Variants in ACSL5 observed in about 807,000 individuals in gnomAD.
ACSL5 encodes the protein long-chain-fatty-acid--CoA ligase 5.
In ACSL5, 50 loss-of-function variants were observed where a neutral mutation model predicts 84.9. The ratio of observed to expected loss-of-function variants is 0.59; its 90% CI spans 0.47 to 0.75. The LOEUF (loss-of-function observed/expected upper bound fraction) is 0.75. Ranked by LOEUF, ACSL5 falls within the 30% of genes least tolerant of loss-of-function variation. The pLI is 0.00. For missense variants in ACSL5, 775 were observed against 830.4 expected (o/e 0.93, Z 0.82); for synonymous variants, 280 against 300.7 (o/e 0.93, Z 0.71).
At chr10:112,388,182 T>C (rs376816342) in intron 1 of ACSL5, among the ~76,000 whole-genome samples, 3 of 152,230 alleles carry the variant, frequency 2.0e-5, no homozygotes, top group African/African-American at 7.2e-5. Flanking sequence ...TCAAGTGATC[T>C]GCCCTCCTTG....
chr10:112,383,490 G>T (rs532325742), intron 1 of ACSL5, among the ~76,000 whole-genome samples: 2 of 152,334 alleles, frequency 1.3e-5, no homozygotes, highest in Non-Finnish European at 1.5e-5. Flanking sequence ...CAGTTTCAGG[G>T]CCCCTCGGCC....
intron 3 of ACSL5, among the ~76,000 whole-genome samples, chr10:112,404,144 A>G (rs1219630048): frequency 2.0e-5 from 3 of 152,196 alleles, no homozygotes; most frequent in Non-Finnish European, 4.4e-5. Context: ...GGGAAGTTCA[A>G]TCCAAGATTG....
chr10:112,408,949 T>C (rs1292810680), intron 6 of ACSL5: 1 of 166,392 alleles, frequency 6.0e-6, no homozygotes, highest in African/African-American at 2.4e-5. Context: ...TAATTGTCGT[T>C]GTTAGAGAAA....
chr10:112,418,302 C>T (rs1230265063), intron 14 of ACSL5, among the ~76,000 whole-genome samples: 2 of 152,160 alleles, frequency 1.3e-5, no homozygotes, highest in East Asian at 3.9e-4. Context: ...GACTCCCTAG[C>T]CGGGCATGGT....
At position 112,427,606 on chromosome 10, in the gene ACSL5, C is replaced by T. The variant is rs1844785532; in HGVS notation, c.*248C>T. Reference sequence around the variant, plus strand: ...TTCAGGGCTACTTTTATCAACATGCCTGTCTTCAAGATCCCAGTTTATGTT... The same window carrying T: ...TTCAGGGCTACTTTTATCAACATGCTTGTCTTCAAGATCCCAGTTTATGTT... On this transcript the variant is annotated 3_prime_UTR_variant, in exon 21 of 21. Coordinates refer to ENST00000354655, the MANE Select transcript of ACSL5 (RefSeq NM_203379.2). The T allele has an allele frequency of 3.5e-6, 1 of 287,332 alleles. No individual in the cohort carries two copies. The highest frequency in any genetic ancestry group is 9.9e-4 in the Middle Eastern group (1 of 1,006). The allele number at this position is 287,332 out of a possible 1,614,324, so 17.8% of individuals were successfully genotyped here.
intron 1 of ACSL5, among the ~76,000 whole-genome samples, chr10:112,381,487 T>G (rs11195937): frequency 0.29 from 44,135 of 150,908 alleles, 6,385 homozygotes; most frequent in Middle Eastern, 0.37. Context: ...GCCAACATGG[T>G]GAAACCCCCT....
intron 1 of ACSL5, among the ~76,000 whole-genome samples, chr10:112,391,382 A>AG (rs1843634661): frequency 6.6e-6 from 1 of 151,624 alleles, no homozygotes; most frequent in African/African-American, 2.4e-5. Flanking sequence ...AAAAAAAAAA[A>AG]TTGAGGAAGG....
In ACSL5 at chr10:112,421,610, TCAAA is replaced by T; in HGVS notation, c.1335_1338del (p.Thr446AsnfsTer28). On this transcript the variant is annotated frameshift_variant, in exon 15 of 21. Transcript: ENST00000354655. LOFTEE classifies it high-confidence loss of function. ...TTTCCCAGGTGTATGAAGCTTATGGTCAAACAGAATGCACAGGTGGCTGTACATT... is the reference window on the plus strand; with the variant it reads ...TTTCCCAGGTGTATGAAGCTTATGGTCAGAATGCACAGGTGGCTGTACATT... The T allele has an allele frequency of 6.2e-7, 1 of 1,614,134 alleles. No homozygotes were observed. Among genetic ancestry groups the T allele is most frequent in the Non-Finnish European group, 8.5e-7 (1 of 1,179,994 alleles).
intron 2 of ACSL5, among the ~76,000 whole-genome samples, chr10:112,397,213 G>A (rs1023173053): frequency 2.7e-5 from 4 of 149,812 alleles, no homozygotes; most frequent in African/African-American, 9.8e-5. Flanking sequence ...TTGTCCCCCA[G>A]GTTGGAGTGC....
chr10:112,384,134 C>T (rs1008625626), intron 1 of ACSL5, among the ~76,000 whole-genome samples: 1 of 151,310 alleles, frequency 6.6e-6, no homozygotes, highest in African/African-American at 2.4e-5. Context: ...TGCAGTGAGC[C>T]GAGATCACAC....
At chr10:112,398,855 G>A (rs779552371) in intron 2 of ACSL5, 46 bp from the exon 3 acceptor site, 1 of 1,515,228 alleles carries the variant, frequency 6.6e-7, no homozygotes, top group South Asian at 1.1e-5. Flanking sequence ...TTTGGAAAGA[G>A]TGAGGGGAGA....
At chr10:112,375,684 G>A (rs1849223133) in intron 1 of ACSL5, 2 of 152,428 alleles carry the variant, frequency 1.3e-5, no homozygotes, top group Non-Finnish European at 2.9e-5. Context: ...AATACTGGGG[G>A]TGACCAAGGC....
chr10:112,417,122 C>G, intron 13 of ACSL5, 100 bp downstream of exon 13: 1 of 1,349,332 alleles, frequency 7.4e-7, no homozygotes, highest in Non-Finnish European at 1.0e-6. Context: ...GTCACTTTAA[C>G]TAGAGATCCT....
At chr10:112,425,974 G>T (rs1416641112) in intron 18 of ACSL5, among the ~76,000 whole-genome samples, 1 of 152,156 alleles carries the variant, frequency 6.6e-6, no homozygotes, top group East Asian at 1.9e-4. Flanking sequence ...GTAGCTTTTA[G>T]GGGACAAGGG....
At chr10:112,421,284 A>G (rs1224049951) in intron 14 of ACSL5, among the ~76,000 whole-genome samples, 2 of 151,954 alleles carry the variant, frequency 1.3e-5, no homozygotes, top group Non-Finnish European at 2.9e-5. Context: ...TCAGCCTCTC[A>G]AGTAGCTGGG....
At chr10:112,420,933 G>A (rs1844444617) in intron 14 of ACSL5, among the ~76,000 whole-genome samples, 1 of 152,046 alleles carries the variant, frequency 6.6e-6, no homozygotes, top group South Asian at 2.1e-4. Context: ...TGTTGGTCAG[G>A]CTGGTCTCGA....
chr10:112,410,866 A>G (rs1255717420), intron 9 of ACSL5, among the ~76,000 whole-genome samples: 1 of 152,214 alleles, frequency 6.6e-6, no homozygotes, highest in Non-Finnish European at 1.5e-5. Flanking sequence ...CAGGGGTCTT[A>G]AAGATGATGT....
intron 14 of ACSL5, among the ~76,000 whole-genome samples, chr10:112,420,724 T>C (rs920294405): frequency 1.3e-5 from 2 of 152,150 alleles, no homozygotes; most frequent in Admixed American, 1.3e-4. Flanking sequence ...TTTTTTCTTT[T>C]TTTTTTCTTT....
chr10:112,377,094 C>T (rs577889641), intron 1 of ACSL5, among the ~76,000 whole-genome samples: 98 of 142,310 alleles, frequency 6.9e-4, no homozygotes, highest in Middle Eastern at 7.7e-3. Flanking sequence ...ACCGGAGACC[C>T]TCAGGGAATA....
Sources: gnomAD v4.1 joint callset for allele counts (sites outside exome capture counted in the v4.1 genomes callset) on GRCh38, gnomAD v4.1.1 for gene constraint, MANE v1.5 for transcripts, NCBI Gene and HGNC (gene_info 2026-07-23, HGNC 2026-07-21) for gene names.